RNF13: variants seen among roughly 807,000 people sequenced by gnomAD.
The protein encoded by RNF13 is E3 ubiquitin-protein ligase RNF13.
In RNF13, 19 loss-of-function variants were observed where a neutral mutation model predicts 37.7. The observed-to-expected ratio is 0.50, with a 90% CI of 0.35 to 0.74. The LOEUF (loss-of-function observed/expected upper bound fraction) is 0.74. Among genes scored for constraint, RNF13 ranks in the 30% least tolerant of loss-of-function variants. The probability of loss-of-function intolerance (pLI) is 0.01; values close to 1 mark genes in which losing one functional copy is unlikely to be tolerated. For synonymous variants in RNF13, 144 were observed against 157.8 expected (o/e 0.91, Z 0.65); for missense variants, 375 against 453.0 (o/e 0.83, Z 1.56).
intron 4 of RNF13, among the ~76,000 whole-genome samples, chr3:149,890,697 A>G (rs1409561171): frequency 6.6e-6 from 1 of 152,162 alleles, no homozygotes; most frequent in African/African-American, 2.4e-5. Flanking sequence ...TCTTTAAGTC[A>G]AGTCACTATG....
rs140963065 is a variant in RNF13 at position 149,957,048 on chromosome 3, T to C, written c.701-3008T>C. Among the ~76,000 whole-genome samples, 6 of 152,340 alleles carry C rather than the reference T, an allele frequency of 3.9e-5. No homozygotes were observed. In the East Asian group the frequency reaches 9.6e-4, roughly 24 times the overall value. The stretch of plus-strand genomic sequence containing the variant: ...AACAAAACTAACACTTATAAAGCAC[T>C]TGTTATAGCCCTTTTATAATACTAC... On this transcript the variant is annotated intron_variant, in intron 8 of 9. Transcript: ENST00000392894.
chr3:149,818,327 G>A (rs919009198), intron 1 of RNF13, among the ~76,000 whole-genome samples: 1 of 152,076 alleles, frequency 6.6e-6, no homozygotes, highest in African/African-American at 2.4e-5. Flanking sequence ...CTATGTATTT[G>A]TACCTATTTA....
At chr3:149,914,148 A>G in intron 7 of RNF13, among the ~76,000 whole-genome samples, 1 of 152,224 alleles carries the variant, frequency 6.6e-6, no homozygotes, top group East Asian at 1.9e-4. Flanking sequence ...GGCTCTTGTC[A>G]TGCTGGATCT....
intron 3 of RNF13, among the ~76,000 whole-genome samples, chr3:149,864,053 T>A (rs1293803479): frequency 7.0e-6 from 1 of 143,254 alleles, no homozygotes; most frequent in Non-Finnish European, 1.5e-5. Flanking sequence ...AATGATGATG[T>A]GGTTGTAGTA....
At chr3:149,857,428 T>G (rs943974498) in intron 3 of RNF13, among the ~76,000 whole-genome samples, 2 of 152,300 alleles carry the variant, frequency 1.3e-5, no homozygotes, top group African/African-American at 4.8e-5. Context: ...AAAGAAAGAT[T>G]TTATTTTTGT....
intron 7 of RNF13, among the ~76,000 whole-genome samples, chr3:149,920,487 T>C (rs561570877): frequency 6.6e-6 from 1 of 152,234 alleles, no homozygotes; most frequent in Non-Finnish European, 1.5e-5. Context: ...CCCACTTCAG[T>C]TGTCTTTTAT....
chr3:149,947,065 T>C (rs1720835745), intron 8 of RNF13, among the ~76,000 whole-genome samples: 1 of 152,190 alleles, frequency 6.6e-6, no homozygotes, highest in Non-Finnish European at 1.5e-5. Flanking sequence ...CATTTGTGGA[T>C]TTGCCTGTTT....
chr3:149,872,417 A>G (rs563402850), intron 4 of RNF13, among the ~76,000 whole-genome samples: 8 of 152,304 alleles, frequency 5.3e-5, no homozygotes, highest in Middle Eastern at 3.4e-3. Context: ...CTTTAGTTTT[A>G]TGCTTTTACC....
chr3:149,949,645 CTTCT>C (rs1186504217), intron 8 of RNF13, among the ~76,000 whole-genome samples: 4 of 151,772 alleles, frequency 2.6e-5, no homozygotes, highest in African/African-American at 9.7e-5. Context: ...CTTTCTTCTC[CTTCT>C]GAGGTTCCCA....
intron 5 of RNF13, among the ~76,000 whole-genome samples, chr3:149,901,414 G>A (rs201139469): frequency 3.9e-5 from 6 of 152,184 alleles, no homozygotes; most frequent in South Asian, 4.1e-4. Flanking sequence ...TAATTTTGAC[G>A]AAATTCTTTT....
rs966244157 is a variant in RNF13 at position 149,936,959 on chromosome 3, G to C, written c.700+15732G>C. ...TGCCTGGCTTTCACAAACGTTCGGC[G>C]CACTGACCATCTTGGGTTAGGGGAT... On this transcript the variant is annotated intron_variant, in intron 8 of 9. Coordinates refer to ENST00000392894, the MANE Select transcript of RNF13 (RefSeq NM_183381.3). Among the ~76,000 whole-genome samples, 5 of 152,170 alleles carry C rather than the reference G, an allele frequency of 3.3e-5. No homozygotes were observed. The South Asian group carries it at 8.3e-4, about 25-fold the overall frequency.
At chr3:149,844,000 C>A (rs1045948568) in intron 1 of RNF13, among the ~76,000 whole-genome samples, 2 of 152,182 alleles carry the variant, frequency 1.3e-5, no homozygotes, top group African/African-American at 4.8e-5. Flanking sequence ...CCTTTCCCTT[C>A]CCCAAAGTTA....
chr3:149,917,334 A>C (rs149400387), intron 7 of RNF13: 26 of 152,332 alleles, frequency 1.7e-4, no homozygotes, highest in African/African-American at 6.0e-4. Context: ...CTAAGTGGCT[A>C]AGGCAACCTA....
chr3:149,824,675 T>G (rs1383429329), intron 1 of RNF13, among the ~76,000 whole-genome samples: 1 of 152,064 alleles, frequency 6.6e-6, no homozygotes, highest in Non-Finnish European at 1.5e-5. Context: ...GCTTTTTTTT[T>G]TTAAAGATAT....
chr3:149,897,517 C>A (rs1351364229), intron 5 of RNF13, among the ~76,000 whole-genome samples: 1 of 152,142 alleles, frequency 6.6e-6, no homozygotes, highest in Non-Finnish European at 1.5e-5. Context: ...TAGCACACAA[C>A]CATATAAGCC....
chr3:149,943,072 A>AACAGTAAAC (rs1720425530), intron 8 of RNF13, among the ~76,000 whole-genome samples: 1 of 152,068 alleles, frequency 6.6e-6, no homozygotes, highest in Admixed American at 6.6e-5. Context: ...TGTACTGTTG[A>AACAGTAAAC]ATTCAGTTTA....
At chr3:149,813,936 G>A (rs1045278339) in intron 1 of RNF13, 1 of 152,258 alleles carries the variant, frequency 6.6e-6, no homozygotes, top group Non-Finnish European at 1.5e-5. Flanking sequence ...GAGAAAGAGA[G>A]AGTGGGCAGA....
chr3:149,856,596 A>T (rs1484319058), intron 3 of RNF13, among the ~76,000 whole-genome samples: 1 of 151,760 alleles, frequency 6.6e-6, no homozygotes, highest in Non-Finnish European at 1.5e-5. Flanking sequence ...GGAGTGTGCT[A>T]CTGTGCCCGG....
At chr3:149,838,624 A>C (rs970173535) in intron 1 of RNF13, among the ~76,000 whole-genome samples, 1 of 152,318 alleles carries the variant, frequency 6.6e-6, no homozygotes, top group Non-Finnish European at 1.5e-5. Context: ...CAGGGCACCA[A>C]GTCCCAAGAC....
Sources: allele counts gnomAD v4.1 joint callset (sites outside exome capture counted in the v4.1 genomes callset), GRCh38; gene constraint gnomAD v4.1.1; transcripts MANE v1.5; gene names NCBI Gene and HGNC (gene_info 2026-07-23, HGNC 2026-07-21).